The following BCAR3 variants were observed in gnomAD, a reference collection of about 807,000 sequenced individuals.
The protein encoded by BCAR3 is BCAR3 adaptor protein, NSP family member, also known as breast cancer anti-estrogen resistance protein 3.
Under a neutral mutation model 80.1 loss-of-function variants are expected in BCAR3, and 37 were observed. The ratio of observed to expected loss-of-function variants is 0.46; its 90% CI spans 0.36 to 0.61. BCAR3 has a LOEUF of 0.61. Among genes scored for constraint, BCAR3 ranks in the 20% least tolerant of loss-of-function variants. BCAR3 has a pLI of 0.00. For missense variants in BCAR3, 978 were observed against 1,068.2 expected, an observed-to-expected ratio of 0.92 and a Z score of 1.18; for synonymous variants, 389 against 418.9, an observed-to-expected ratio of 0.93 and a Z score of 0.87.
At chr1:93,580,314 G>A (rs1201923651) in intron 7 of BCAR3, among the ~76,000 whole-genome samples, 1 of 152,098 alleles carries the variant, frequency 6.6e-6, no homozygotes, top group Non-Finnish European at 1.5e-5. Context: ...AAGCCCTGAC[G>A]TCTGAAGCTA....
chr1:93,567,580 A>G, intron 10 of BCAR3, 89 bp from the exon 11 acceptor site: 2 of 1,471,878 alleles, frequency 1.4e-6, no homozygotes, highest in Non-Finnish European at 1.9e-6. Flanking sequence ...GTCTTGTTAC[A>G]GCAACTGCAG....
At chr1:93,625,728 G>A (rs918731432) in intron 3 of BCAR3, among the ~76,000 whole-genome samples, 2 of 152,168 alleles carry the variant, frequency 1.3e-5, no homozygotes, top group African/African-American at 4.8e-5. Context: ...TTGCCTTGAA[G>A]GGCCAAACAG....
intron 3 of BCAR3, among the ~76,000 whole-genome samples, chr1:93,698,255 CT>C (rs2101970034): frequency 6.6e-6 from 1 of 152,334 alleles, no homozygotes; most frequent in South Asian, 2.1e-4. Flanking sequence ...GCTGTGTGTC[CT>C]GGCGCAGGAC....
intron 2 of BCAR3, among the ~76,000 whole-genome samples, chr1:93,821,536 T>G (rs767496508): frequency 1.3e-5 from 2 of 152,184 alleles, no homozygotes; most frequent in African/African-American, 2.4e-5. Flanking sequence ...CAACATGCAG[T>G]TACTGGGTGG....
intron 2 of BCAR3, among the ~76,000 whole-genome samples, chr1:93,832,101 C>T (rs1285624373): frequency 2.6e-5 from 4 of 152,108 alleles, no homozygotes; most frequent in Non-Finnish European, 2.9e-5. Flanking sequence ...GAAAAAGCTC[C>T]GTAAATTAGA....
intron 3 of BCAR3, among the ~76,000 whole-genome samples, chr1:93,626,898 G>A (rs1356540638): frequency 6.6e-6 from 1 of 152,168 alleles, no homozygotes; most frequent in Non-Finnish European, 1.5e-5. Context: ...TTTTCATAGA[G>A]CACAATTTTT....
chr1:93,707,512 C>A (rs1649866051), intron 2 of BCAR3, among the ~76,000 whole-genome samples: 1 of 151,928 alleles, frequency 6.6e-6, no homozygotes, highest in Non-Finnish European at 1.5e-5. Flanking sequence ...GAGTTCAAGA[C>A]CAGCCTGGCC....
At chr1:93,582,124 T>A (rs555720278) in intron 7 of BCAR3, among the ~76,000 whole-genome samples, 177 bp downstream of exon 7, 9 of 152,300 alleles carry the variant, frequency 5.9e-5, no homozygotes, top group Admixed American at 2.6e-4. Context: ...TTAAATAAAT[T>A]CCCATGCTGG....
chr1:93,659,637 G>C (rs1647558431), intron 2 of BCAR3, among the ~76,000 whole-genome samples: 2 of 152,034 alleles, frequency 1.3e-5, no homozygotes, highest in South Asian at 4.2e-4. Context: ...GGACAGTCTA[G>C]CATTCTCATT....
chr1:93,717,019 C>G (rs1362289379), intron 2 of BCAR3, among the ~76,000 whole-genome samples: 1 of 152,196 alleles, frequency 6.6e-6, no homozygotes, highest in East Asian at 1.9e-4. Context: ...TGTGGGCTGG[C>G]CTTTTGATGA....
chr1:93,820,453 C>T (rs949043312), intron 2 of BCAR3, among the ~76,000 whole-genome samples: 2 of 152,200 alleles, frequency 1.3e-5, no homozygotes, highest in Non-Finnish European at 2.9e-5. Context: ...TCCCCAAATT[C>T]CCTCCTCAGG....
intron 2 of BCAR3, among the ~76,000 whole-genome samples, chr1:93,843,225 G>A (rs917805681): frequency 1.3e-5 from 2 of 152,134 alleles, no homozygotes; most frequent in Admixed American, 6.5e-5. Flanking sequence ...TGTTCTGTTC[G>A]GTAACAGAAA....
At chr1:93,834,882 A>G (rs1654709061) in intron 2 of BCAR3, among the ~76,000 whole-genome samples, 1 of 152,102 alleles carries the variant, frequency 6.6e-6, no homozygotes, top group African/African-American at 2.4e-5. Flanking sequence ...GACCTCCATG[A>G]CTATCTCTCT....
intron 9 of BCAR3, among the ~76,000 whole-genome samples, chr1:93,569,546 T>C (rs1258048106): frequency 6.6e-6 from 1 of 152,274 alleles, no homozygotes; most frequent in East Asian, 1.9e-4. Context: ...CCTGGACATA[T>C]TCTCTTGATA....
chr1:93,659,448 C>T (rs1382122164), intron 2 of BCAR3, among the ~76,000 whole-genome samples: 1 of 151,986 alleles, frequency 6.6e-6, no homozygotes, highest in Non-Finnish European at 1.5e-5. Context: ...CCTGCTCAGC[C>T]TCCCAAAATG....
intron 2 of BCAR3, among the ~76,000 whole-genome samples, chr1:93,665,079 C>T (rs1438476416): frequency 6.6e-6 from 1 of 152,202 alleles, no homozygotes; most frequent in Non-Finnish European, 1.5e-5. Flanking sequence ...GATAAAGGAA[C>T]ATATCCCCTT....
At chr1:93,721,254 C>G (rs1319071410) in intron 2 of BCAR3, among the ~76,000 whole-genome samples, 1 of 152,104 alleles carries the variant, frequency 6.6e-6, no homozygotes, top group African/African-American at 2.4e-5. Context: ...GAGCCCAGGG[C>G]CCAGTGGCTC....
At chr1:93,819,267 C>T (rs1312422891) in intron 2 of BCAR3, among the ~76,000 whole-genome samples, 2 of 152,242 alleles carry the variant, frequency 1.3e-5, no homozygotes, top group African/African-American at 4.8e-5. Context: ...GGTTTCACCA[C>T]GTTGGCCAGG....
chr1:93,584,181 G>T (rs758984715), intron 5 of BCAR3, 60 bp from the exon 6 acceptor site: 1 of 1,486,284 alleles, frequency 6.7e-7, no homozygotes. Flanking sequence ...AAAACTTTTA[G>T]GCAATGCCAT....
Sources: gnomAD v4.1 joint callset for allele counts (sites outside exome capture counted in the v4.1 genomes callset) on GRCh38, gnomAD v4.1.1 for gene constraint, MANE v1.5 for transcripts, NCBI Gene and HGNC (gene_info 2026-07-23, HGNC 2026-07-21) for gene names.